CDH13: variants seen among roughly 807,000 people sequenced by gnomAD.
CDH13 encodes cadherin 13, also known as cadherin-13.
CDH13 carries 24 observed loss-of-function variants against 63.8 expected under a neutral mutation model. The ratio of observed to expected loss-of-function variants is 0.38; its 90% CI spans 0.27 to 0.53. CDH13 has a LOEUF of 0.53. Among genes scored for constraint, CDH13 ranks in the 20% least tolerant of loss-of-function variants. CDH13 has a pLI of 0.85. For synonymous variants in CDH13, 503 were observed against 355.3 expected, an observed-to-expected ratio of 1.42 and a Z score of -4.67; for missense variants, 1,049 against 903.1, an observed-to-expected ratio of 1.16 and a Z score of -2.07.
chr16:82,877,944 CACACACACACACACACATAT>C (rs1433071517), intron 2 of CDH13, among the ~76,000 whole-genome samples: 27 of 137,222 alleles, frequency 2.0e-4, no homozygotes, highest in East Asian at 1.1e-3. Context: ...CACACACACA[CACACACACACACACACATAT>C]ACACACACAC....
intron 2 of CDH13, among the ~76,000 whole-genome samples, chr16:83,005,838 C>A (rs1169674414): frequency 1.3e-5 from 2 of 152,128 alleles, no homozygotes; most frequent in Non-Finnish European, 2.9e-5. Flanking sequence ...ATTTAAGAGG[C>A]CTGGCAGAAA....
intron 1 of CDH13, among the ~76,000 whole-genome samples, chr16:82,818,690 T>TA (rs1354684402): frequency 2.6e-5 from 4 of 152,000 alleles, no homozygotes; most frequent in African/African-American, 4.8e-5. Flanking sequence ...TCGGGCATTT[T>TA]CCAAAAAAAA....
chr16:83,650,137 C>A (rs1459619563), intron 8 of CDH13, among the ~76,000 whole-genome samples: 1 of 152,102 alleles, frequency 6.6e-6, no homozygotes, highest in Non-Finnish European at 1.5e-5. Context: ...AGACCAGAAT[C>A]AATGTGTTGC....
intron 1 of CDH13, among the ~76,000 whole-genome samples, chr16:82,688,254 G>C (rs778064847): frequency 4.6e-5 from 7 of 152,066 alleles, no homozygotes; most frequent in Non-Finnish European, 8.8e-5. Flanking sequence ...TGCCCTGCTG[G>C]GCTCCATGTG....
intron 4 of CDH13, among the ~76,000 whole-genome samples, chr16:83,149,995 T>C (rs2036907466): frequency 6.6e-6 from 1 of 152,228 alleles, no homozygotes; most frequent in Non-Finnish European, 1.5e-5. Context: ...GACTGCTCTT[T>C]CCACTTTATG....
In CDH13 at chr16:83,125,408, T is replaced by G; in HGVS notation, c.390T>G (p.Thr130=). 6.2e-7 allele frequency: 1 copy of G among 1,603,188 alleles called. No homozygotes were observed. Among genetic ancestry groups the G allele is most frequent in the Non-Finnish European group, 8.5e-7 (1 of 1,170,252 alleles). The change falls in exon 4 of 14, where the codon ACT becomes ACG. Residue 130 remains threonine, a synonymous_variant. Coordinates refer to ENST00000567109, the MANE Select transcript of CDH13 (RefSeq NM_001257.5). Reference sequence around the variant, plus strand: ...AGGATATATTTAAATTTGCAAGAACTTCTCCTGTCCCAAGACAAAAGAGGT... The same window carrying G: ...AGGATATATTTAAATTTGCAAGAACGTCTCCTGTCCCAAGACAAAAGAGGT... ...SLQDIFKFAR[T]SPVPRQKRSI... is the part of the protein sequence containing the mutation.
intron 5 of CDH13, among the ~76,000 whole-genome samples, chr16:83,343,782 C>T (rs1288843852): frequency 3.3e-5 from 5 of 152,174 alleles, no homozygotes; most frequent in East Asian, 1.9e-4. Flanking sequence ...GCTCTGGAGG[C>T]AGACTTCCCA....
intron 1 of CDH13, among the ~76,000 whole-genome samples, chr16:82,843,988 G>A (rs1016511625): frequency 2.0e-5 from 3 of 152,202 alleles, no homozygotes; most frequent in Non-Finnish European, 4.4e-5. Flanking sequence ...GACTACAGCT[G>A]TACTTATAGA....
intron 5 of CDH13, among the ~76,000 whole-genome samples, chr16:83,254,849 C>G (rs1337273761): frequency 6.6e-6 from 1 of 152,128 alleles, no homozygotes; most frequent in African/African-American, 2.4e-5. Flanking sequence ...AATTAAATTC[C>G]TTGTAAAAAT....
At chr16:83,465,290 C>G (rs1424283282) in intron 6 of CDH13, among the ~76,000 whole-genome samples, 1 of 152,192 alleles carries the variant, frequency 6.6e-6, no homozygotes, top group African/African-American at 2.4e-5. Context: ...ACAAAGGCGA[C>G]AGAAGCAACA....
intron 11 of CDH13, among the ~76,000 whole-genome samples, chr16:83,756,502 C>T (rs952854974): frequency 6.6e-5 from 10 of 152,204 alleles, no homozygotes; most frequent in Middle Eastern, 3.2e-3. Context: ...GCTTTGAATG[C>T]GGCCCAACAC....
At chr16:83,220,188 C>G (rs182650714) in intron 5 of CDH13, among the ~76,000 whole-genome samples, 1 of 152,214 alleles carries the variant, frequency 6.6e-6, no homozygotes, top group Non-Finnish European at 1.5e-5. Context: ...CATACCCGCA[C>G]TGAAGCTTCT....
chr16:82,898,402 G>C (rs917522469), intron 2 of CDH13, among the ~76,000 whole-genome samples: 2 of 152,182 alleles, frequency 1.3e-5, no homozygotes, highest in Non-Finnish European at 2.9e-5. Context: ...GCATGTGCCT[G>C]TAATTCCGGC....
At chr16:82,717,417 C>T (rs1005669186) in intron 1 of CDH13, among the ~76,000 whole-genome samples, 22 of 136,052 alleles carry the variant, frequency 1.6e-4, no homozygotes, top group African/African-American at 5.4e-4. Flanking sequence ...GCCTGGGCGA[C>T]AGAGTGAGAC....
intron 11 of CDH13, among the ~76,000 whole-genome samples, chr16:83,752,850 A>C (rs1185126087): frequency 6.6e-6 from 1 of 152,236 alleles, no homozygotes; most frequent in Non-Finnish European, 1.5e-5. Context: ...CTACATGTTA[A>C]TCCCACCCAG....
intron 2 of CDH13, among the ~76,000 whole-genome samples, chr16:82,990,480 C>T (rs1911526165): frequency 6.6e-6 from 1 of 151,850 alleles, no homozygotes; most frequent in East Asian, 1.9e-4. Flanking sequence ...ACTTGGATGG[C>T]AGTCTAGCCA....
At chr16:82,775,041 C>T (rs1011482887) in intron 1 of CDH13, among the ~76,000 whole-genome samples, 3 of 152,178 alleles carry the variant, frequency 2.0e-5, no homozygotes, top group African/African-American at 7.2e-5. Context: ...GTAATCCTCC[C>T]ACGTGCTGGA....
chr16:83,344,701 T>C (rs2090800161), intron 5 of CDH13, among the ~76,000 whole-genome samples, 161 bp from the exon 6 acceptor site: 1 of 152,236 alleles, frequency 6.6e-6, no homozygotes, highest in Non-Finnish European at 1.5e-5. Context: ...GAATGTTCAA[T>C]TTCTATTCTA....
At chr16:82,629,608 T>C (rs1352190690) in intron 1 of CDH13, among the ~76,000 whole-genome samples, 2 of 152,220 alleles carry the variant, frequency 1.3e-5, no homozygotes, top group Non-Finnish European at 2.9e-5. Flanking sequence ...CAGGCAAGCC[T>C]GTATGTTTTT....
Sources: gnomAD v4.1 joint callset for allele counts (sites outside exome capture counted in the v4.1 genomes callset) on GRCh38, gnomAD v4.1.1 for gene constraint, MANE v1.5 for transcripts, NCBI Gene and HGNC (gene_info 2026-07-23, HGNC 2026-07-21) for gene names.